NRXN2: variants seen among roughly 807,000 people sequenced by gnomAD.
NRXN2 encodes neurexin 2.
Under a neutral mutation model 128.8 loss-of-function variants are expected in NRXN2, and 29 were observed. That is an observed-to-expected ratio of 0.23 (90% CI 0.17 to 0.31). The LOEUF (loss-of-function observed/expected upper bound fraction) is 0.31. Ranked by LOEUF, NRXN2 falls within the 10% of genes least tolerant of loss-of-function variation. The pLI is 1.00. For missense variants in NRXN2, 1,881 were observed against 2,452.6 expected (o/e 0.77, Z 4.92); for synonymous variants, 1,098 against 1,075.2 (o/e 1.02, Z -0.41).
intron 22 of NRXN2, among the ~76,000 whole-genome samples, chr11:64,611,746 C>A (rs1208122013): frequency 2.0e-5 from 3 of 152,158 alleles, no homozygotes; most frequent in African/African-American, 7.2e-5. Context: ...TCACATTGAC[C>A]TCTTGCCCCT....
At chr11:64,677,417 G>A (rs1165409561) in intron 6 of NRXN2, among the ~76,000 whole-genome samples, 2 of 151,928 alleles carry the variant, frequency 1.3e-5, no homozygotes, top group Non-Finnish European at 2.9e-5. Context: ...GGTTAGTAGA[G>A]AAGAAAACAA....
intron 11 of NRXN2, among the ~76,000 whole-genome samples, chr11:64,657,184 C>T (rs769622431): frequency 1.3e-4 from 20 of 152,258 alleles, no homozygotes; most frequent in East Asian, 9.6e-4. Flanking sequence ...GTGTTGCTGC[C>T]GGTCTGTGAG....
chr11:64,625,543 G>C (rs535497633), intron 20 of NRXN2, among the ~76,000 whole-genome samples: 1 of 152,302 alleles, frequency 6.6e-6, no homozygotes, highest in Admixed American at 6.5e-5. Flanking sequence ...GTTTTAGTTG[G>C]GGAAGGCCCC....
At chr11:64,671,538 G>T (rs2050632196) in intron 7 of NRXN2, among the ~76,000 whole-genome samples, 1 of 152,120 alleles carries the variant, frequency 6.6e-6, no homozygotes, top group South Asian at 2.1e-4. Context: ...GCCGGTGGGG[G>T]AGGAGGGAAG....
intron 9 of NRXN2, among the ~76,000 whole-genome samples, chr11:64,662,553 G>A (rs1331315467): frequency 2.0e-4 from 30 of 151,930 alleles, no homozygotes; most frequent in Non-Finnish European, 4.3e-4. Context: ...AGGCCGAGGC[G>A]GGTGGATCAC....
intron 4 of NRXN2, among the ~76,000 whole-genome samples, chr11:64,691,466 T>C (rs1293670638): frequency 1.3e-5 from 2 of 152,184 alleles, no homozygotes; most frequent in African/African-American, 4.8e-5. Flanking sequence ...ATCCACAGGA[T>C]GGCTTCAGGA....
rs971497113 is a variant in NRXN2 at position 64,606,490 on chromosome 11, T to C, written c.*706A>G. On this transcript the variant is annotated 3_prime_UTR_variant, in exon 23 of 23. Coordinates refer to ENST00000265459, the MANE Select transcript of NRXN2 (RefSeq NM_015080.4). ...CCAGCAGCTTCCCCATCAATGCACG[T>C]CGCCCGGCGGCACACACAGAACAGG... 8.5e-6 allele frequency: 1 copy of C among 117,984 alleles called. No homozygotes were observed. Among genetic ancestry groups the C allele is most frequent in the Non-Finnish European group, 1.6e-5 (1 of 61,176 alleles). 7.3% of individuals were successfully genotyped at this position (117,984 alleles called of 1,614,324 possible).
At chr11:64,719,593 G>A (rs940336331) in intron 1 of NRXN2, among the ~76,000 whole-genome samples, 1 of 152,214 alleles carries the variant, frequency 6.6e-6, no homozygotes, top group Non-Finnish European at 1.5e-5. Context: ...GCCGCCTCAT[G>A]GAGCTGGGGA....
At position 64,622,960 on chromosome 11, in the gene NRXN2, C is replaced by T. The variant is rs745446635; in HGVS notation, c.3966G>A (p.Ala1322=). 8.1e-6 allele frequency: 13 copies of T among 1,613,182 alleles called. No individual in the cohort carries two copies. Among genetic ancestry groups the T allele is most frequent in the Middle Eastern group, 3.3e-4 (2 of 6,082 alleles). ...CATTGGGGTCGCTCTCGGCGGCCAG[C>T]GCCAGCACCTTGAGCCCATTGTAGT... ...GLYYNGLKVL[A]LAAESDPNVR... Residue 1322 remains alanine, a synonymous_variant, in exon 21 of 23, where the codon GCG becomes GCA. Coordinates refer to ENST00000265459, the MANE Select transcript of NRXN2 (RefSeq NM_015080.4). This position sits in a 1 kb window ranked among gnomAD's most constrained non-coding sequence, Gnocchi z 4.3.
At chr11:64,653,657 C>T (rs747032436) in intron 12 of NRXN2, 39 bp downstream of exon 12, 4 of 1,579,206 alleles carry the variant, frequency 2.5e-6, no homozygotes, top group East Asian at 2.3e-5. Context: ...GCATCCCAGT[C>T]CCCTTGGGTC....
chr11:64,657,921 C>T (rs1016237468), intron 11 of NRXN2, among the ~76,000 whole-genome samples: 1 of 152,190 alleles, frequency 6.6e-6, no homozygotes, highest in Non-Finnish European at 1.5e-5. Context: ...GTCCTGTTAT[C>T]TGTCAGTCTG....
chr11:64,708,885 C>G (rs2056606585), intron 2 of NRXN2, among the ~76,000 whole-genome samples: 1 of 152,114 alleles, frequency 6.6e-6, no homozygotes, highest in African/African-American at 2.4e-5. Context: ...CTGTGAATTA[C>G]TGACTTTTAA....
At chr11:64,644,209 G>C (rs1183091346) in intron 17 of NRXN2, among the ~76,000 whole-genome samples, 1 of 151,978 alleles carries the variant, frequency 6.6e-6, no homozygotes, top group Non-Finnish European at 1.5e-5. Context: ...TGCTCCCCAA[G>C]CTCACCCTCC....
intron 17 of NRXN2, among the ~76,000 whole-genome samples, chr11:64,647,654 A>G (rs1201449415): frequency 6.6e-6 from 1 of 152,188 alleles, no homozygotes; most frequent in African/African-American, 2.4e-5. Context: ...TTATTGGGGA[A>G]GAAAGAGGAG....
In NRXN2 at chr11:64,648,182, T is replaced by A. The variant is rs2046978035; in HGVS notation, c.3403+37A>T. On this transcript the variant is annotated intron_variant, in intron 17 of 22. Coordinates refer to ENST00000265459, the MANE Select transcript of NRXN2 (RefSeq NM_015080.4). The surrounding 1 kb of genome is among the most constrained non-coding windows in gnomAD (Gnocchi z 4.1). Reference sequence around the variant, plus strand: ...CCCTATGGCTGGGAATGGACCCTGGTCTCCCCAAACTGCCCCCAGCCCTCC... The same window carrying A: ...CCCTATGGCTGGGAATGGACCCTGGACTCCCCAAACTGCCCCCAGCCCTCC... 4.3e-6 allele frequency: 7 copies of A among 1,613,844 alleles called. No individual in the cohort carries two copies. Among genetic ancestry groups the A allele is most frequent in the Middle Eastern group, 1.6e-4 (1 of 6,062 alleles).
chr11:64,615,701 CTG>C (rs1223842966), intron 22 of NRXN2, among the ~76,000 whole-genome samples: 2 of 152,206 alleles, frequency 1.3e-5, no homozygotes, highest in Non-Finnish European at 2.9e-5. Context: ...ATGCCTTGTA[CTG>C]TGTCTGAACA....
chr11:64,647,425 G>C (rs866694988), intron 17 of NRXN2, among the ~76,000 whole-genome samples: 1 of 152,034 alleles, frequency 6.6e-6, no homozygotes, highest in African/African-American at 2.4e-5. Context: ...TTGCCTCCCC[G>C]CCATTCCTGC....
intron 2 of NRXN2, among the ~76,000 whole-genome samples, chr11:64,701,162 C>A (rs1004154835): frequency 6.6e-6 from 1 of 152,172 alleles, no homozygotes; most frequent in Non-Finnish European, 1.5e-5. Context: ...GAAATTCATA[C>A]ACCGCAGCAC....
chr11:64,691,944 A>G (rs1019476172), intron 4 of NRXN2, among the ~76,000 whole-genome samples: 2 of 152,226 alleles, frequency 1.3e-5, no homozygotes, highest in African/African-American at 4.8e-5. Context: ...CAGGTCCAAC[A>G]GTGCCAAAGG....
Sources: gnomAD v4.1 joint callset for allele counts (sites outside exome capture counted in the v4.1 genomes callset) on GRCh38, gnomAD v4.1.1 for gene constraint, Gnocchi (gnomAD v3.1) non-coding constraint, MANE v1.5 for transcripts, NCBI Gene and HGNC (gene_info 2026-07-23, HGNC 2026-07-21) for gene names.